GPN1: variants seen among roughly 807,000 people sequenced by gnomAD.
GPN1 encodes the protein GPN-loop GTPase 1, also known as ATP(GTP)-binding protein.
Under a neutral mutation model 55.9 loss-of-function variants are expected in GPN1, and 44 were observed. The ratio of observed to expected loss-of-function variants is 0.79; its 90% CI spans 0.62 to 1.01. The LOEUF is 1.01. GPN1 is among the 50% of genes least tolerant of loss of function. The probability of loss-of-function intolerance (pLI) is 0.00; values close to 1 mark genes in which losing one functional copy is unlikely to be tolerated. For missense variants in GPN1, 466 were observed against 462.8 expected (o/e 1.01, Z -0.06); for synonymous variants, 179 against 162.5 (o/e 1.10, Z -0.77).
At chr2:27,630,840 G>C (rs1673517900) in intron 2 of GPN1, among the ~76,000 whole-genome samples, 187 bp from the exon 3 acceptor site, 1 of 152,140 alleles carries the variant, frequency 6.6e-6, no homozygotes, top group Non-Finnish European at 1.5e-5. Flanking sequence ...CAACTTTAGA[G>C]CTCCTAGCCC....
intron 7 of GPN1, among the ~76,000 whole-genome samples, chr2:27,635,971 T>C (rs1393570445): frequency 2.6e-5 from 4 of 152,204 alleles, no homozygotes; most frequent in African/African-American, 9.6e-5. Context: ...TCCCAGCACT[T>C]GGGGAGGCTG....
intron 11 of GPN1, chr2:27,642,221 C>T (rs1673985413): frequency 3.9e-6 from 2 of 506,960 alleles, no homozygotes; most frequent in East Asian, 3.3e-5. Context: ...CCCTCTAAAT[C>T]AGTCTGCAGA....
intron 3 of GPN1, chr2:27,631,565 G>A (rs1673554644): frequency 7.5e-6 from 4 of 536,078 alleles, no homozygotes; most frequent in African/African-American, 1.9e-5. Flanking sequence ...AATGCCAGTG[G>A]GCTGTCACTG....
chr2:27,641,171 A>G, intron 10 of GPN1, 69 bp from the exon 11 acceptor site: 1 of 966,552 alleles, frequency 1.0e-6, no homozygotes, highest in Non-Finnish European at 1.6e-6. Flanking sequence ...AAATAGAGAT[A>G]AGGGGATGTG....
In GPN1 at chr2:27,634,852, G is replaced by A. The variant is rs373623432; in HGVS notation, c.357G>A (p.Val119=). 3.1e-5 allele frequency: 48 copies of A among 1,556,212 alleles called. No individual in the cohort carries two copies. In the African/African-American group the frequency reaches 6.1e-4, roughly 20 times the overall value. ...IEKAQNMSKY[V]LIDTPGQIEV... ...ATGATCTTTCTTGACATAGATATGT[G>A]TTGATTGACACACCTGGACAGATTG... is the stretch of plus-strand genomic sequence containing the variant. The change falls in exon 6 of 14, where the codon GTG becomes GTA. Residue 119 remains valine (V), a synonymous_variant. Transcript: ENST00000610189.
rs1471875592 is a variant in GPN1 at position 27,629,254 on chromosome 2, G to A, written c.111+85G>A. 4 of 1,158,942 alleles carry A rather than the reference G, an allele frequency of 3.5e-6. No individual in the cohort carries two copies. The East Asian group carries it at 1.1e-4, about 31-fold the overall frequency. The allele number at this position is 1,158,942 out of a possible 1,614,324, so 71.8% of individuals were successfully genotyped here. A position where few individuals can be genotyped will look rare whatever the true frequency, so the allele number is the denominator to read the frequency against. On this transcript the variant is annotated intron_variant, in intron 1 of 13. Coordinates refer to ENST00000610189, the MANE Select transcript of GPN1 (RefSeq NM_007266.4). The stretch of plus-strand genomic sequence containing the variant: ...AGGCCAGGAAGAAAGGGAGGGAAGA[G>A]GATTTGGAGGGTACCGGCGCATGGC...
chr2:27,634,752 T>A (rs1032808832), intron 5 of GPN1, 94 bp from the exon 6 acceptor site: 3 of 798,664 alleles, frequency 3.8e-6, no homozygotes, highest in Non-Finnish European at 6.7e-6. Flanking sequence ...GTTACTCCAG[T>A]CTTGGATAAC....
At position 27,641,243 on chromosome 2, in the gene GPN1, G is replaced by T; in HGVS notation, c.804G>T (p.Glu268Asp). Residue 268 changes from glutamate (E) to aspartate (D), a missense_variant, in exon 11 of 14, where the codon GAG becomes GAT. Glu to Asp is a conservative substitution (Grantham distance 45). Coordinates refer to ENST00000610189, the MANE Select transcript of GPN1 (RefSeq NM_007266.4). ...TAGAAAGTGTTTCTCTTTACAGGGA[G>T]TATCGTCCTGAATATGAACGTCTGA... ...VTSAAEEYER[E>D]YRPEYERLKK... 1 of 1,605,202 alleles carries T rather than the reference G, an allele frequency of 6.2e-7. No individual in the cohort carries two copies. The highest frequency in any genetic ancestry group is 8.5e-7 in the Non-Finnish European group (1 of 1,172,216).
At chr2:27,642,557 G>A (rs1361764915) in intron 12 of GPN1, 38 bp downstream of exon 12, 1 of 1,182,858 alleles carries the variant, frequency 8.5e-7, no homozygotes, top group Admixed American at 1.8e-5. Context: ...ACTAAAAAAA[G>A]GTTACACTTC....
chr2:27,644,740 T>TTTTTTTTTC (rs1389842515), intron 12 of GPN1, among the ~76,000 whole-genome samples: 6 of 148,636 alleles, frequency 4.0e-5, no homozygotes, highest in Admixed American at 6.7e-5. Context: ...TTTTTTTTTT[T>TTTTTTTTTC]TTTACAGATG....
upstream of GPN1, chr2:27,628,851 G>A: frequency 2.7e-6 from 4 of 1,466,894 alleles, no homozygotes; most frequent in South Asian, 1.4e-5. Flanking sequence ...CCTTCCTCTC[G>A]CTTGCTCAGC....
At chr2:27,634,819 CTTCT>C in intron 5 of GPN1, 23 bp from the exon 6 acceptor site, 1 of 1,264,370 alleles carries the variant, frequency 7.9e-7, no homozygotes, top group Non-Finnish European at 1.2e-6. Flanking sequence ...AAATGTAACA[CTTCT>C]TTAATGATCT....
At chr2:27,645,930 G>A (rs756901744) in intron 12 of GPN1, among the ~76,000 whole-genome samples, 7 of 151,806 alleles carry the variant, frequency 4.6e-5, no homozygotes, top group Admixed American at 3.3e-4. Flanking sequence ...AGGTTTTGCC[G>A]TGTTGCCCAG....
Position 27,629,067 on chromosome 2 carries a change from G to A in GPN1, c.9G>A (p.Ala3=). Reference sequence around the variant, plus strand: ...GTGGGGCCAGGAGGAAGATGGCGGCGTCCGCAGCTGCCGCTGAGCTCCAGG... The same window carrying A: ...GTGGGGCCAGGAGGAAGATGGCGGCATCCGCAGCTGCCGCTGAGCTCCAGG... MA[A]SAAAAELQAS... is the part of the protein sequence containing the mutation. The change falls in exon 1 of 14, where the codon GCG becomes GCA. Residue 3 remains alanine (A), a synonymous_variant. Coordinates refer to ENST00000610189, the MANE Select transcript of GPN1 (RefSeq NM_007266.4). 6.2e-7 allele frequency: 1 copy of A among 1,614,198 alleles called. No individual in the cohort carries two copies. Among genetic ancestry groups the A allele is most frequent in the Non-Finnish European group, 8.5e-7 (1 of 1,180,034 alleles).
chr2:27,651,119 A>G lies in GPN1; in HGVS notation c.*919A>G, dbSNP rs148677208. The stretch of plus-strand genomic sequence containing the variant: ...GTCAGAGGCACATTTCATACATAAC[A>G]GCCCTTATAAACGTTTGCCCTGCCT... On this transcript the variant is annotated 3_prime_UTR_variant, in exon 14 of 14. Transcript: ENST00000610189. The G allele has an allele frequency of 2.0e-5, 3 of 152,520 alleles. No individual in the cohort carries two copies. Among genetic ancestry groups the G allele is most frequent in the Non-Finnish European group, 4.4e-5 (3 of 68,048 alleles). 9.4% of individuals were successfully genotyped at this position (152,520 alleles called of 1,614,324 possible). A position where few individuals can be genotyped will look rare whatever the true frequency, so the allele number is the denominator to read the frequency against.
At chr2:27,641,060 C>T (rs1456127872) in intron 10 of GPN1, among the ~76,000 whole-genome samples, 180 bp from the exon 11 acceptor site, 1 of 152,084 alleles carries the variant, frequency 6.6e-6, no homozygotes, top group Non-Finnish European at 1.5e-5. Flanking sequence ...GGAGCGGGCA[C>T]CTTGGCTTTT....
At chr2:27,639,448 T>C (rs1673855778) in intron 9 of GPN1, among the ~76,000 whole-genome samples, 1 of 152,010 alleles carries the variant, frequency 6.6e-6, no homozygotes. Context: ...AAGCAGAAAG[T>C]GATTTGGTTT....
In GPN1 at chr2:27,643,159, C is replaced by G. The variant is rs1038477713; in HGVS notation, c.931+640C>G. On this transcript the variant is annotated intron_variant, in intron 12 of 13. Coordinates refer to ENST00000610189, the MANE Select transcript of GPN1 (RefSeq NM_007266.4). This position sits in a 1 kb window ranked among gnomAD's most constrained non-coding sequence, Gnocchi z 4.0. The stretch of plus-strand genomic sequence containing the variant: ...TGGTTTTTTTTGTTTGTTTCTAACA[C>G]TTTTAACCCTCCTCAATTTTTTTTA... Among the ~76,000 whole-genome samples the G allele has an allele frequency of 6.0e-5, 9 of 150,248 alleles. No homozygotes were observed. The highest frequency in any genetic ancestry group is 2.2e-4 in the African/African-American group (9 of 40,990).
At chr2:27,645,086 G>A (rs1674162126) in intron 12 of GPN1, among the ~76,000 whole-genome samples, 1 of 152,066 alleles carries the variant, frequency 6.6e-6, no homozygotes, top group Non-Finnish European at 1.5e-5. Flanking sequence ...CCCTGTCTCA[G>A]CCTCCAGAGT....
Sources: allele counts gnomAD v4.1 joint callset (sites outside exome capture counted in the v4.1 genomes callset), GRCh38; gene constraint gnomAD v4.1.1; non-coding constraint Gnocchi (gnomAD v3.1); transcripts MANE v1.5; gene names NCBI Gene and HGNC (gene_info 2026-07-23, HGNC 2026-07-21).